Variants in CFLAR observed in about 807,000 individuals in gnomAD.
CFLAR encodes the protein CASP8 and FADD like apoptosis regulator, also known as CASP8 and FADD-like apoptosis regulator.
In CFLAR, 14 loss-of-function variants were observed where a neutral mutation model predicts 51.1. The ratio of observed to expected loss-of-function variants is 0.27; its 90% CI spans 0.18 to 0.43. CFLAR has a LOEUF of 0.43. Ranked by LOEUF, CFLAR falls within the 20% of genes least tolerant of loss-of-function variation. CFLAR has a pLI of 1.00. For missense variants in CFLAR, 390 were observed against 566.5 expected (o/e 0.69, Z 3.16); for synonymous variants, 210 against 211.6 (o/e 0.99, Z 0.06).
At chr2:201,161,871 C>T (rs537070048) in intron 9 of CFLAR, among the ~76,000 whole-genome samples, 8 of 150,230 alleles carry the variant, frequency 5.3e-5, no homozygotes, top group East Asian at 3.9e-4. Flanking sequence ...CTCAGCTTCC[C>T]GAGTAGCTGG....
intron 4 of CFLAR, 53 bp from the exon 5 acceptor site, chr2:201,140,304 A>G: frequency 6.3e-7 from 1 of 1,582,812 alleles, no homozygotes; most frequent in Non-Finnish European, 8.6e-7. Context: ...TTGAAGATTT[A>G]TTTGATAATA....
chr2:201,137,829 T>C (rs2050351254), intron 4 of CFLAR: 2 of 1,173,474 alleles, frequency 1.7e-6, no homozygotes, highest in Non-Finnish European at 2.5e-6. Context: ...CATGCCCTGG[T>C]ACTTCTTGAG....
chr2:201,174,987 A>G lies in CFLAR; in HGVS notation c.*11014A>G, dbSNP rs920675659. The stretch of plus-strand genomic sequence containing the variant: ...TTATAATACATTAGCACGCTAAAAG[A>G]AACTTCTACAGCACCATGATAGTTT... On this transcript the variant is annotated 3_prime_UTR_variant, in exon 10 of 10. Transcript: ENST00000309955. 1.3e-5 allele frequency: 2 copies of G among 152,200 alleles called. No individual in the cohort carries two copies. Among genetic ancestry groups the G allele is most frequent in the African/African-American group, 4.8e-5 (2 of 41,454 alleles). 9.4% of individuals were successfully genotyped at this position (152,200 alleles called of 1,614,324 possible).
chr2:201,164,161 A>T lies in CFLAR; in HGVS notation c.*188A>T. The T allele has an allele frequency of 2.3e-6, 1 of 432,656 alleles. No individual in the cohort carries two copies. 26.8% of individuals were successfully genotyped at this position (432,656 alleles called of 1,614,324 possible). A position where few individuals can be genotyped will look rare whatever the true frequency, so the allele number is the denominator to read the frequency against. ...GTACCTGTATTCCCAGTTACTTGGG[A>T]GGCTGAGGTGGGAGGATCTTTTGAA... On this transcript the variant is annotated 3_prime_UTR_variant, in exon 10 of 10. Coordinates refer to ENST00000309955, the MANE Select transcript of CFLAR (RefSeq NM_003879.7).
rs1253094630 is a variant in CFLAR at position 201,124,402 on chromosome 2, T to A, written c.-137-5327T>A. Among the ~76,000 whole-genome samples, 3 of 152,180 alleles carry A rather than the reference T, an allele frequency of 2.0e-5. No individual in the cohort carries two copies. The highest frequency in any genetic ancestry group is 7.2e-5 in the African/African-American group (3 of 41,442). On this transcript the variant is annotated intron_variant, in intron 1 of 9. Coordinates refer to ENST00000309955, the MANE Select transcript of CFLAR (RefSeq NM_003879.7). The surrounding 1 kb of genome is among the most constrained non-coding windows in gnomAD (Gnocchi z 4.7). Reference sequence around the variant, plus strand: ...AGGCTGGAGTGCAGTGGCGCAATCTTAGCTCACTGGCAACCTCCACCTCCC... The same window carrying A: ...AGGCTGGAGTGCAGTGGCGCAATCTAAGCTCACTGGCAACCTCCACCTCCC...
chr2:201,174,917 G>A lies in CFLAR; in HGVS notation c.*10944G>A, dbSNP rs942920404. The A allele has an allele frequency of 1.3e-5, 2 of 152,192 alleles. No homozygotes were observed. The highest frequency in any genetic ancestry group is 4.8e-5 in the African/African-American group (2 of 41,452). The allele number at this position is 152,192 out of a possible 1,614,324, so 9.4% of individuals were successfully genotyped here. ...CCAAACCAGCCAAAACCATGATGGT[G>A]ACAGAAGAGACCTCTGGTTACCTTT... is the stretch of plus-strand genomic sequence containing the variant. On this transcript the variant is annotated 3_prime_UTR_variant, in exon 10 of 10. Coordinates refer to ENST00000309955, the MANE Select transcript of CFLAR (RefSeq NM_003879.7).
chr2:201,130,985 G>C (rs1405811799), intron 2 of CFLAR, among the ~76,000 whole-genome samples: 1 of 152,192 alleles, frequency 6.6e-6, no homozygotes, highest in African/African-American at 2.4e-5. Context: ...ATCAGGGTGG[G>C]CTCCCTTCCT....
chr2:201,150,110 C>G (rs1032361449), intron 8 of CFLAR: 2 of 195,510 alleles, frequency 1.0e-5, no homozygotes, highest in Non-Finnish European at 2.1e-5. Flanking sequence ...CGGAGGCGGG[C>G]GGATCATGAG....
chr2:201,126,319 C>G (rs2048704884), intron 1 of CFLAR, among the ~76,000 whole-genome samples: 1 of 152,092 alleles, frequency 6.6e-6, no homozygotes, highest in Non-Finnish European at 1.5e-5. Context: ...AGGTGATAGA[C>G]GCGGGGCTTT....
Position 201,163,934 on chromosome 2 carries a change from G to A in CFLAR, c.1404G>A (p.Gln468=), listed in dbSNP as rs765533327. Residue 468 remains glutamine (Q), a synonymous_variant, in exon 10 of 10, where the codon CAG becomes CAA. Coordinates refer to ENST00000309955, the MANE Select transcript of CFLAR (RefSeq NM_003879.7). ...SAKEKYYVWL[Q]HTLRKKLILS... Reference sequence around the variant, plus strand: ...AGGAGAAATATTATGTCTGGCTGCAGCACACTCTGAGAAAGAAACTTATCC... The same window carrying A: ...AGGAGAAATATTATGTCTGGCTGCAACACACTCTGAGAAAGAAACTTATCC... 1 of 1,614,076 alleles carries A rather than the reference G, an allele frequency of 6.2e-7. No individual in the cohort carries two copies. Among genetic ancestry groups the A allele is most frequent in the Non-Finnish European group, 8.5e-7 (1 of 1,179,998 alleles).
At chr2:201,163,196 C>A in intron 9 of CFLAR, 1 of 1,123,988 alleles carries the variant, frequency 8.9e-7, no homozygotes, top group Non-Finnish European at 1.2e-6. Flanking sequence ...TGGTATCTGA[C>A]TGTTCAGATC....
chr2:201,145,859 C>T (rs1026592158), intron 6 of CFLAR, among the ~76,000 whole-genome samples: 1 of 152,184 alleles, frequency 6.6e-6, no homozygotes, highest in Non-Finnish European at 1.5e-5. Context: ...TCCCCCCTTT[C>T]CTAAGAAAGA....
At position 201,141,376 on chromosome 2, in the gene CFLAR, G is replaced by T. The variant is rs1938815628; in HGVS notation, c.606+937G>T. On this transcript the variant is annotated intron_variant, in intron 5 of 9. Coordinates refer to ENST00000309955, the MANE Select transcript of CFLAR (RefSeq NM_003879.7). The stretch of plus-strand genomic sequence containing the variant: ...TTTTGCTTTTTTCTCTTCTACAGAT[G>T]ATAACACCCTATGCCCATTGTCCTG... The T allele has an allele frequency of 3.9e-6, 6 of 1,557,468 alleles. No individual in the cohort carries two copies. The South Asian group carries it at 5.9e-5, about 15-fold the overall frequency.
chr2:201,145,575 A>C (rs1439509566), intron 6 of CFLAR, 143 bp downstream of exon 6: 6 of 615,870 alleles, frequency 9.7e-6, no homozygotes, highest in African/African-American at 9.3e-5. Context: ...AACTCTTACG[A>C]TAGACTCATT....
chr2:201,152,654 A>G (rs1006150231), intron 8 of CFLAR, among the ~76,000 whole-genome samples: 2 of 152,200 alleles, frequency 1.3e-5, no homozygotes, highest in East Asian at 1.9e-4. Flanking sequence ...AGTGGAATGC[A>G]TCCCCATAGA....
Position 201,124,019 on chromosome 2 carries a change from A to G in CFLAR, c.-137-5710A>G, listed in dbSNP as rs1315898059. On this transcript the variant is annotated intron_variant, in intron 1 of 9. Transcript: ENST00000309955. The surrounding 1 kb of genome is among the most constrained non-coding windows in gnomAD (Gnocchi z 4.7). The stretch of plus-strand genomic sequence containing the variant: ...TGGGGTTGCAAGAAATTACATTTGC[A>G]TTCACGCTGTGGCTCACTGGACATG... Among the ~76,000 whole-genome samples, 1 of 152,216 alleles carries G rather than the reference A, an allele frequency of 6.6e-6. No individual in the cohort carries two copies. The highest frequency in any genetic ancestry group is 1.5e-5 in the Non-Finnish European group (1 of 68,038).
At chr2:201,135,651 A>T (rs2050001815) in intron 3 of CFLAR, among the ~76,000 whole-genome samples, 2 of 151,142 alleles carry the variant, frequency 1.3e-5, no homozygotes, top group African/African-American at 2.4e-5. Context: ...TTTTTTTGAG[A>T]CAGGGTCTCG....
At chr2:201,137,625 A>AGGAC in intron 4 of CFLAR, 1 of 756,784 alleles carries the variant, frequency 1.3e-6, no homozygotes. Context: ...CATGGACCGA[A>AGGAC]GGACAGACAG....
At chr2:201,134,848 T>G (rs1404958600) in intron 3 of CFLAR, among the ~76,000 whole-genome samples, 2 of 152,080 alleles carry the variant, frequency 1.3e-5, no homozygotes. Context: ...AGTCATTGCT[T>G]GAGAATTTCC....
Sources: allele counts gnomAD v4.1 joint callset (sites outside exome capture counted in the v4.1 genomes callset), GRCh38; gene constraint gnomAD v4.1.1; non-coding constraint Gnocchi (gnomAD v3.1); transcripts MANE v1.5; gene names NCBI Gene and HGNC (gene_info 2026-07-23, HGNC 2026-07-21).